The following DMD variants were observed in gnomAD, a reference collection of about 807,000 sequenced individuals.
DMD encodes the protein mutant dystrophin.
Under a neutral mutation model 330.1 loss-of-function variants are expected in DMD, and 63 were observed. The ratio of observed to expected loss-of-function variants is 0.19; its 90% confidence interval spans 0.16 to 0.24. DMD has a LOEUF of 0.24. Ranked by LOEUF, DMD falls within the 10% of genes least tolerant of loss-of-function variation. The pLI is 1.00. For synonymous variants in DMD, 1,223 were observed against 959.8 expected (o/e 1.27, Z -5.07); for missense variants, 3,344 against 2,684.1 (o/e 1.25, Z -5.43).
intron 7 of DMD, among the ~76,000 whole-genome samples, chrX:32,773,156 G>A (rs1428184435): frequency 8.9e-6 from 1 of 112,175 alleles, no homozygotes; most frequent in Non-Finnish European, 1.9e-5. Flanking sequence ...GGACATTACA[G>A]GTGTTTCTAT....
intron 30 of DMD, among the ~76,000 whole-genome samples, chrX:32,392,989 C>G (rs1339023051): frequency 8.9e-6 from 1 of 112,132 alleles, no homozygotes; most frequent in Non-Finnish European, 1.9e-5. Flanking sequence ...GGACTAAAAT[C>G]ACATAAGAAA....
chrX:32,922,694 T>C (rs923235104), intron 2 of DMD, among the ~76,000 whole-genome samples: 1 of 112,597 alleles, frequency 8.9e-6, no homozygotes, highest in African/African-American at 3.2e-5. Context: ...GCTCACTTCC[T>C]GCTGTTCCCC....
At chrX:32,849,582 T>C (rs2080963477) in intron 3 of DMD, 146 bp downstream of exon 3, 5 of 449,684 alleles carry the variant, frequency 1.1e-5, no homozygotes, top group South Asian at 3.8e-5. Flanking sequence ...ATGAAAATCA[T>C]ACGAGGTTGC....
rs1181344311 is a variant in DMD, at chrX:31,767,856, TAAC to T, written c.7542+6101_7542+6103del. Among the ~76,000 whole-genome samples the T allele has an allele frequency of 8.9e-5, 10 of 112,062 alleles. No individual in the cohort carries two copies. In the South Asian group the frequency reaches 1.1e-3, roughly 13 times the overall value. ...TCATAATTTTTAAGTACTTTGACCT[TAAC>T]AACAACAACAAAAATTAAACTCATT... On this transcript the variant is annotated intron_variant, in intron 51 of 78. Transcript: ENST00000357033.
At chrX:33,104,576 A>T (rs1381587883) in intron 1 of DMD, among the ~76,000 whole-genome samples, 3 of 107,692 alleles carry the variant, frequency 2.8e-5, no homozygotes, top group Admixed American at 1.0e-4. Flanking sequence ...CAAATCCTAT[A>T]AAACGGCCCC....
chrX:31,789,601 G>C (rs1364090228), intron 50 of DMD, among the ~76,000 whole-genome samples: 3 of 111,193 alleles, frequency 2.7e-5, no homozygotes, highest in Admixed American at 1.9e-4. Flanking sequence ...GGAAAATCAT[G>C]CTATTTTTTT....
chrX:33,053,147 A>T (rs1299476070), intron 1 of DMD, among the ~76,000 whole-genome samples: 2 of 111,554 alleles, frequency 1.8e-5, no homozygotes, highest in East Asian at 5.6e-4. Context: ...TACTCATTTA[A>T]TTACTCACGT....
chrX:31,180,842 C>T (rs1332858520), intron 68 of DMD, among the ~76,000 whole-genome samples: 3 of 112,125 alleles, frequency 2.7e-5, no homozygotes, highest in Middle Eastern at 9.2e-3. Context: ...GACAGACTTA[C>T]GCTGTGCATG....
chrX:32,483,536 T>G (rs1216923173), intron 21 of DMD, among the ~76,000 whole-genome samples: 1 of 109,482 alleles, frequency 9.1e-6, no homozygotes, highest in Non-Finnish European at 1.9e-5. Context: ...CAGATTAAAG[T>G]AAATTTCCAG....
intron 2 of DMD, among the ~76,000 whole-genome samples, chrX:32,949,403 C>T (rs1290999427): frequency 3.7e-5 from 4 of 108,970 alleles, no homozygotes; most frequent in Non-Finnish European, 7.6e-5. Context: ...GACAGACAGA[C>T]AGACAGACAG....
intron 7 of DMD, among the ~76,000 whole-genome samples, chrX:32,732,280 G>T (rs779420927): frequency 9.0e-6 from 1 of 111,079 alleles, no homozygotes; most frequent in Admixed American, 9.6e-5. Flanking sequence ...CCAAATCTAC[G>T]TCTGATTGGT....
At chrX:31,975,098 G>A (rs2095426560) in intron 44 of DMD, among the ~76,000 whole-genome samples, 2 of 110,327 alleles carry the variant, frequency 1.8e-5, no homozygotes, top group South Asian at 7.7e-4. Context: ...TCAATACAGT[G>A]TTACCTAAAG....
At chrX:32,943,437 T>G (rs2090568112) in intron 2 of DMD, among the ~76,000 whole-genome samples, 1 of 111,490 alleles carries the variant, frequency 9.0e-6, no homozygotes, top group Admixed American at 9.6e-5. Flanking sequence ...GTATACATAC[T>G]GTGTATTACA....
In DMD at chrX:32,468,730, A is replaced by G; in HGVS notation, c.2950-20T>C. On this transcript the variant is annotated intron_variant, in intron 22 of 78. Coordinates refer to ENST00000357033, the MANE Select transcript of DMD (RefSeq NM_004006.3). The stretch of plus-strand genomic sequence containing the variant: ...TAAAGCCTAAAAAACAATTTTTTAA[A>G]TACATTTACCCTAATTGATGAATAA... 1.8e-6 allele frequency: 2 copies of G among 1,141,921 alleles called. No individual in the cohort carries two copies. The highest frequency in any genetic ancestry group is 3.7e-5 in the South Asian group (2 of 54,576). The allele number at this position is 1,141,921 out of a possible 1,213,427, so 94.1% of individuals were successfully genotyped here. A position where few individuals can be genotyped will look rare whatever the true frequency, so the allele number is the denominator to read the frequency against.
intron 21 of DMD, among the ~76,000 whole-genome samples, chrX:32,482,428 T>C (rs2041991122): frequency 8.9e-6 from 1 of 111,768 alleles, no homozygotes; most frequent in South Asian, 3.7e-4. Context: ...ACTGGCTTCT[T>C]TCACTCAGCA....
At chrX:32,219,403 A>G (rs556938987) in intron 43 of DMD, among the ~76,000 whole-genome samples, 1 of 112,424 alleles carries the variant, frequency 8.9e-6, no homozygotes, top group East Asian at 2.8e-4. Flanking sequence ...AAATCTATGC[A>G]ACATAGTTAG....
chrX:31,586,770 A>G (rs1569552773), intron 55 of DMD, among the ~76,000 whole-genome samples: 1 of 112,218 alleles, frequency 8.9e-6, no homozygotes, highest in Non-Finnish European at 1.9e-5. Context: ...ATTTATATGT[A>G]TCTATTTGAG....
At chrX:31,255,778 T>A (rs2049886914) in intron 63 of DMD, among the ~76,000 whole-genome samples, 1 of 96,997 alleles carries the variant, frequency 1.0e-5, no homozygotes, top group Non-Finnish European at 2.1e-5. Flanking sequence ...ACTTTTTTTT[T>A]TTTTTTTTTT....
chrX:31,689,375 T>A (rs1320863559), intron 52 of DMD, among the ~76,000 whole-genome samples: 1 of 111,452 alleles, frequency 9.0e-6, no homozygotes, highest in Non-Finnish European at 1.9e-5. Context: ...CACAATTGCT[T>A]CAAAGAGAAT....
Sources: allele counts gnomAD v4.1 joint callset (sites outside exome capture counted in the v4.1 genomes callset), GRCh38; gene constraint gnomAD v4.1.1; transcripts MANE v1.5; gene names NCBI Gene and HGNC (gene_info 2026-07-23, HGNC 2026-07-21).